The following AGBL1 variants were observed in gnomAD, a reference collection of about 807,000 sequenced individuals.
The protein encoded by AGBL1 is cytosolic carboxypeptidase 4.
A neutral mutation model predicts 118.9 loss-of-function variants in AGBL1; 130 were observed. That is an observed-to-expected ratio of 1.09 (90% CI 0.95 to 1.26). AGBL1 has a LOEUF of 1.26. Among genes scored for constraint, AGBL1 ranks in the 50% most tolerant of loss-of-function variants. The pLI, the probability that AGBL1 is intolerant of heterozygous loss-of-function variation, is 0.00. For missense variants in AGBL1, 1,584 were observed against 1,298.1 expected (o/e 1.22, Z -3.38); for synonymous variants, 555 against 478.9 (o/e 1.16, Z -2.08).
At chr15:86,135,597 C>T (rs767643299) in intron 1 of AGBL1, among the ~76,000 whole-genome samples, 66 of 152,260 alleles carry the variant, frequency 4.3e-4, no homozygotes, top group Non-Finnish European at 7.8e-4. Context: ...GTCTGAATCC[C>T]ACTTCATATC....
intron 22 of AGBL1, among the ~76,000 whole-genome samples, chr15:86,894,824 G>A (rs1254359494): frequency 6.6e-6 from 1 of 152,186 alleles, no homozygotes; most frequent in Non-Finnish European, 1.5e-5. Flanking sequence ...AGAGGCTGAT[G>A]TTCTCAAGGA....
At chr15:86,475,413 A>G (rs1377827703) in intron 18 of AGBL1, among the ~76,000 whole-genome samples, 1 of 152,210 alleles carries the variant, frequency 6.6e-6, no homozygotes, top group Non-Finnish European at 1.5e-5. Context: ...TGACACGAGA[A>G]CTATGTGATG....
intron 18 of AGBL1, among the ~76,000 whole-genome samples, chr15:86,514,163 T>TACAC (rs1567034276): frequency 1.2e-4 from 13 of 107,110 alleles, no homozygotes; most frequent in African/African-American, 4.5e-4. Flanking sequence ...CACACACACA[T>TACAC]ACACATCTAT....
At chr15:86,946,771 G>A (rs1310672701) in intron 23 of AGBL1, among the ~76,000 whole-genome samples, 1 of 149,382 alleles carries the variant, frequency 6.7e-6, no homozygotes, top group African/African-American at 2.4e-5. Flanking sequence ...TTGAACCCGG[G>A]AGGGGGAGGT....
intron 18 of AGBL1, among the ~76,000 whole-genome samples, chr15:86,436,355 A>G (rs1317984253): frequency 3.3e-5 from 5 of 152,060 alleles, no homozygotes; most frequent in Admixed American, 3.3e-4. Context: ...AAATAATGAA[A>G]GAGGTAAATG....
intron 18 of AGBL1, among the ~76,000 whole-genome samples, chr15:86,436,776 G>A (rs1229001276): frequency 6.6e-6 from 1 of 152,206 alleles, no homozygotes; most frequent in Non-Finnish European, 1.5e-5. Context: ...TAGTTTAATG[G>A]ATTAGCTGAG....
chr15:86,783,613 T>C (rs1345764118), intron 22 of AGBL1, among the ~76,000 whole-genome samples: 1 of 152,140 alleles, frequency 6.6e-6, no homozygotes, highest in East Asian at 1.9e-4. Flanking sequence ...GTGAGGTTCT[T>C]TGGGACTCTA....
At chr15:86,347,502 G>A (rs8030431) in intron 17 of AGBL1, among the ~76,000 whole-genome samples, 70,693 of 152,140 alleles carry the variant, frequency 0.46, 17,251 homozygotes, top group Middle Eastern at 0.57. Context: ...TTTTATGCAA[G>A]CATTTCAAAT....
At chr15:86,818,131 G>C (rs568780555) in intron 22 of AGBL1, among the ~76,000 whole-genome samples, 1 of 152,032 alleles carries the variant, frequency 6.6e-6, no homozygotes, top group Non-Finnish European at 1.5e-5. Context: ...ACACACATGC[G>C]CGTGAGAGAG....
At chr15:86,170,519 A>G (rs182274071) in intron 5 of AGBL1, among the ~76,000 whole-genome samples, 412 of 152,280 alleles carry the variant, frequency 2.7e-3, no homozygotes, top group African/African-American at 9.4e-3. Context: ...AGAAACATGA[A>G]AAAAACGACT....
intron 22 of AGBL1, among the ~76,000 whole-genome samples, chr15:86,806,289 C>A (rs1049343147): frequency 1.3e-5 from 2 of 152,052 alleles, no homozygotes; most frequent in African/African-American, 4.8e-5. Context: ...CTGACTCTGC[C>A]AGATCAATCT....
chr15:86,194,450 A>G (rs2077769105), intron 5 of AGBL1, among the ~76,000 whole-genome samples: 1 of 152,194 alleles, frequency 6.6e-6, no homozygotes, highest in African/African-American at 2.4e-5. Flanking sequence ...CTAGATCATA[A>G]CATTACTTTC....
At chr15:86,169,742 A>G (rs1449808175) in intron 5 of AGBL1, among the ~76,000 whole-genome samples, 1 of 152,228 alleles carries the variant, frequency 6.6e-6, no homozygotes, top group Non-Finnish European at 1.5e-5. Context: ...TTAAAAATAT[A>G]TTTAATCCAC....
intron 20 of AGBL1, among the ~76,000 whole-genome samples, chr15:86,551,281 T>C (rs1226182942): frequency 1.3e-5 from 2 of 152,060 alleles, no homozygotes; most frequent in Admixed American, 1.3e-4. Context: ...ATAAAGAACA[T>C]GCTTTTCATT....
intron 24 of AGBL1, among the ~76,000 whole-genome samples, chr15:87,000,324 A>C (rs1238229228): frequency 9.7e-6 from 1 of 102,918 alleles, no homozygotes; most frequent in Non-Finnish European, 2.1e-5. Context: ...CTGAATGGTA[A>C]TGCCTAGGTT....
chr15:86,178,451 C>A (rs1046542241), intron 5 of AGBL1, among the ~76,000 whole-genome samples: 2 of 152,254 alleles, frequency 1.3e-5, no homozygotes, highest in South Asian at 4.1e-4. Context: ...GGAAATACTA[C>A]GAACAACTTT....
chr15:86,160,038 A>T (rs1215682862), intron 5 of AGBL1, among the ~76,000 whole-genome samples: 1 of 149,828 alleles, frequency 6.7e-6, no homozygotes, highest in Non-Finnish European at 1.5e-5. Context: ...GCCAATACAT[A>T]TTGAGAATAT....
At chr15:86,729,766 T>A (rs2077503719) in intron 22 of AGBL1, among the ~76,000 whole-genome samples, 1 of 152,196 alleles carries the variant, frequency 6.6e-6, no homozygotes, top group Admixed American at 6.5e-5. Flanking sequence ...GATAGAATGA[T>A]TTATTTTCCT....
rs74027517 is a variant in AGBL1 at position 86,356,355 on chromosome 15, T to C, written c.2375-41011T>C. ...ATAGACGTGTGTGTGTGTGTGTGTG[T>C]GCGCGTGCGCCCGCACGCACGCGCA... On this transcript the variant is annotated intron_variant, in intron 17 of 22. Coordinates refer to ENST00000614907, the MANE Select transcript of AGBL1 (RefSeq NM_001386094.1). Among the ~76,000 whole-genome samples the C allele has an allele frequency of 4.0e-4, 61 of 151,006 alleles. 1 individual carries two copies. The highest frequency in any genetic ancestry group is 8.9e-4 in the African/African-American group (36 of 40,654).
Sources: allele counts gnomAD v4.1 joint callset (sites outside exome capture counted in the v4.1 genomes callset), GRCh38; gene constraint gnomAD v4.1.1; transcripts MANE v1.5; gene names NCBI Gene and HGNC (gene_info 2026-07-23, HGNC 2026-07-21).